The following TTC9C variants were observed in gnomAD, a reference collection of about 807,000 sequenced individuals.
The protein encoded by TTC9C is tetratricopeptide repeat domain 9C, also known as tetratricopeptide repeat protein 9C.
A neutral mutation model predicts 22.5 loss-of-function variants in TTC9C; 15 were observed. The ratio of observed to expected loss-of-function variants is 0.67; its 90% CI spans 0.45 to 1.03. The LOEUF is 1.03. Among genes scored for constraint, TTC9C ranks in the 50% least tolerant of loss-of-function variants. TTC9C has a pLI of 0.00. For synonymous variants in TTC9C, 92 were observed against 86.8 expected (o/e 1.06, Z -0.33); for missense variants, 244 against 214.6 (o/e 1.14, Z -0.86).
chr11:62,734,253 G>A (rs1012545953), intron 1 of TTC9C, among the ~76,000 whole-genome samples: 4 of 147,812 alleles, frequency 2.7e-5, no homozygotes, highest in South Asian at 2.2e-4. Context: ...AGCTGAGATC[G>A]CGCCATTGCA....
At chr11:62,737,905 C>T (rs1340925248) in intron 2 of TTC9C, among the ~76,000 whole-genome samples, 2 of 152,078 alleles carry the variant, frequency 1.3e-5, no homozygotes, top group African/African-American at 4.8e-5. Context: ...GTGGTGCATG[C>T]CTGTAATCTC....
rs1342050155 is a variant in TTC9C, at chr11:62,738,508, G to A, written c.*126G>A. ...TGACCCAGGTGGATTTTTGTTTCTA[G>A]TTCTGCACAAACTTCACTACTTAGA... is the stretch of plus-strand genomic sequence containing the variant. On this transcript the variant is annotated 3_prime_UTR_variant, in exon 3 of 3. Coordinates refer to ENST00000316461, the MANE Select transcript of TTC9C (RefSeq NM_173810.4). 4.8e-6 allele frequency: 3 copies of A among 622,928 alleles called. No individual in the cohort carries two copies. Among genetic ancestry groups the A allele is most frequent in the Middle Eastern group, 2.7e-4 (1 of 3,762 alleles). 38.6% of individuals were successfully genotyped at this position (622,928 alleles called of 1,614,324 possible).
Position 62,735,418 on chromosome 11 carries a change from G to C in TTC9C, c.275G>C (p.Arg92Pro), listed in dbSNP as rs539570547. Residue 92 changes from arginine to proline, a missense_variant, in exon 2 of 3, where the codon CGA becomes CCA. Arg to Pro is a moderately radical substitution (Grantham distance 103). Coordinates refer to ENST00000316461, the MANE Select transcript of TTC9C (RefSeq NM_173810.4). ...LLQMEPVNYE[R>P]VREYSQKVLE... ...CAGATGGAGCCCGTGAACTACGAAC[G>C]AGTGAGAGAATATAGTCAGAAAGTC... 3 of 1,614,106 alleles carry C rather than the reference G, an allele frequency of 1.9e-6. No homozygotes were observed. In the Admixed American group the frequency reaches 5.0e-5, roughly 27 times the overall value.
intron 1 of TTC9C, 71 bp downstream of exon 1, chr11:62,729,157 A>G: frequency 7.1e-7 from 1 of 1,400,994 alleles, no homozygotes; most frequent in Non-Finnish European, 9.8e-7. Flanking sequence ...ACATTGGGGG[A>G]AAAAACGCTG....
intron 1 of TTC9C, among the ~76,000 whole-genome samples, chr11:62,734,590 TA>T (rs1013990247): frequency 6.6e-6 from 1 of 151,782 alleles, no homozygotes; most frequent in Non-Finnish European, 1.5e-5. Context: ...AAAAAAATAA[TA>T]AAAAAAGAAT....
chr11:62,736,804 C>T (rs981951394), intron 2 of TTC9C, among the ~76,000 whole-genome samples: 4 of 150,622 alleles, frequency 2.7e-5, no homozygotes, highest in Non-Finnish European at 4.4e-5. Flanking sequence ...TTTCGGTGAG[C>T]TGAGATTGTG....
At chr11:62,735,651 A>G (rs2083903239) in intron 2 of TTC9C, 87 bp downstream of exon 2, 2 of 1,454,830 alleles carry the variant, frequency 1.4e-6, no homozygotes. Context: ...TTACTTTGCC[A>G]ATGTATTATT....
chr11:62,738,232 A>T (rs1382563890), intron 2 of TTC9C, 56 bp from the exon 3 acceptor site: 3 of 1,111,722 alleles, frequency 2.7e-6, no homozygotes, highest in Non-Finnish European at 4.0e-6. Flanking sequence ...ACAAGGTATG[A>T]TTATGGTCTT....
At chr11:62,734,527 GC>G (rs1236918161) in intron 1 of TTC9C, among the ~76,000 whole-genome samples, 1 of 152,224 alleles carries the variant, frequency 6.6e-6, no homozygotes, top group Non-Finnish European at 1.5e-5. Flanking sequence ...GTTGCAGTGA[GC>G]CAAGATCATG....
chr11:62,730,851 G>T (rs948671505), intron 1 of TTC9C, among the ~76,000 whole-genome samples: 6 of 151,778 alleles, frequency 4.0e-5, no homozygotes. Context: ...GGGATTACAG[G>T]CTTGAGCCAC....
intron 2 of TTC9C, 151 bp downstream of exon 2, chr11:62,735,715 A>G: frequency 7.4e-7 from 1 of 1,351,856 alleles, no homozygotes; most frequent in Admixed American, 3.0e-5. Context: ...AAAGTATACG[A>G]TGAACAGACC....
Position 62,735,381 on chromosome 11 carries a change from G to A in TTC9C, c.239-1G>A, listed in dbSNP as rs767071798. On this transcript the variant is annotated splice_acceptor_variant, in intron 1 of 2. Transcript: ENST00000316461. LOFTEE classifies it high-confidence loss of function. Reference sequence around the variant, plus strand: ...TTCTCTCTTTTCATTTGGCCCATTAGCTTGTCTCCTTCAGATGGAGCCCGT... The same window carrying A: ...TTCTCTCTTTTCATTTGGCCCATTAACTTGTCTCCTTCAGATGGAGCCCGT... 3.7e-6 allele frequency: 6 copies of A among 1,613,728 alleles called. No individual in the cohort carries two copies. Among genetic ancestry groups the A allele is most frequent in the Non-Finnish European group, 5.1e-6 (6 of 1,179,854 alleles).
Position 62,732,607 on chromosome 11 carries a change from C to G in TTC9C, c.239-2775C>G, listed in dbSNP as rs578038231. Among the ~76,000 whole-genome samples, 250 of 97,174 alleles carry G rather than the reference C, an allele frequency of 2.6e-3. 1 individual carries two copies. Among genetic ancestry groups the G allele is most frequent in the African/African-American group, 8.9e-3 (241 of 27,158 alleles). 63.7% of individuals were successfully genotyped at this position (97,174 alleles called of 152,430 possible). A position where few individuals can be genotyped will look rare whatever the true frequency, so the allele number is the denominator to read the frequency against. ...AGCCTGGGCAACAAGAGCAAAACTCCGTCTCAAAAAAAAAAAAAATTAATT... is the reference window on the plus strand; with the variant it reads ...AGCCTGGGCAACAAGAGCAAAACTCGGTCTCAAAAAAAAAAAAAATTAATT... On this transcript the variant is annotated intron_variant, in intron 1 of 2. Coordinates refer to ENST00000316461, the MANE Select transcript of TTC9C (RefSeq NM_173810.4).
intron 1 of TTC9C, among the ~76,000 whole-genome samples, chr11:62,733,912 A>T (rs1198395168): frequency 6.6e-6 from 1 of 152,094 alleles, no homozygotes; most frequent in Non-Finnish European, 1.5e-5. Context: ...GAATCACTTG[A>T]ACCTGGGAGG....
At chr11:62,732,416 C>T (rs1022648049) in intron 1 of TTC9C, among the ~76,000 whole-genome samples, 1 of 151,906 alleles carries the variant, frequency 6.6e-6, no homozygotes, top group East Asian at 2.0e-4. Flanking sequence ...CAAGACCAGC[C>T]TGACCAACAT....
chr11:62,735,537 CTGGCTGCCG>C lies in TTC9C; in HGVS notation c.397_405del (p.Ala133_Val135del). ...CTATGACCAGGCCCGCCACTACCTCCTGGCTGCCGTGAATAGGCAGCCTAAAGGTAAGCA... is the reference window on the plus strand; with the variant it reads ...CTATGACCAGGCCCGCCACTACCTCCTGAATAGGCAGCCTAAAGGTAAGCA... On this transcript the variant is annotated inframe_deletion, in exon 2 of 3. Transcript: ENST00000316461. 6.2e-7 allele frequency: 1 copy of C among 1,613,700 alleles called. No homozygotes were observed. Among genetic ancestry groups the C allele is most frequent in the South Asian group, 1.1e-5 (1 of 91,076 alleles).
intron 2 of TTC9C, among the ~76,000 whole-genome samples, chr11:62,737,565 C>A (rs564587): frequency 0.02 from 3,062 of 152,212 alleles, 106 homozygotes; most frequent in African/African-American, 0.069. Context: ...GCAGTAAAAT[C>A]TCATCTAAAT....
chr11:62,729,149 ATTGGGGG>A, intron 1 of TTC9C, 63 bp downstream of exon 1: 1 of 1,424,708 alleles, frequency 7.0e-7, no homozygotes, highest in Admixed American at 2.1e-5. Flanking sequence ...ATCTGTGAAC[ATTGGGGG>A]AAAAAACGCT....
At position 62,728,830 on chromosome 11, in the gene TTC9C, A is replaced by G. The variant is rs760515576; in HGVS notation, c.-19A>G. On this transcript the variant is annotated 5_prime_UTR_variant, in exon 1 of 3. Transcript: ENST00000316461. ...TGCTCCTTCACTTCCCAGTTCCGCA[A>G]GAACCGTGGGCGACAGTTATGGAGA... The G allele has an allele frequency of 6.2e-7, 1 of 1,613,574 alleles. No individual in the cohort carries two copies. Among genetic ancestry groups the G allele is most frequent in the Non-Finnish European group, 8.5e-7 (1 of 1,179,504 alleles).
Sources: gnomAD v4.1 joint callset for allele counts (sites outside exome capture counted in the v4.1 genomes callset) on GRCh38, gnomAD v4.1.1 for gene constraint, MANE v1.5 for transcripts, NCBI Gene and HGNC (gene_info 2026-07-23, HGNC 2026-07-21) for gene names.